Variants in PHACTR3 observed in about 807,000 individuals in gnomAD.
PHACTR3 encodes phosphatase and actin regulator 3, also known as protein phosphatase 1, regulatory subunit 123.
Under a neutral mutation model 66.8 loss-of-function variants are expected in PHACTR3, and 16 were observed. The observed-to-expected ratio is 0.24, with a 90% CI of 0.16 to 0.36. PHACTR3 has a LOEUF of 0.36. Among genes scored for constraint, PHACTR3 ranks in the 10% least tolerant of loss-of-function variants. The pLI is 1.00. For synonymous variants in PHACTR3, 323 were observed against 292.1 expected (o/e 1.11, Z -1.08); for missense variants, 647 against 719.9 (o/e 0.90, Z 1.16).
intron 1 of PHACTR3, among the ~76,000 whole-genome samples, chr20:59,644,777 T>G (rs1281252297): frequency 6.6e-6 from 1 of 152,198 alleles, no homozygotes; most frequent in African/African-American, 2.4e-5. Context: ...TCCTGCACCC[T>G]GCGCCTTCCC....
At chr20:59,813,333 C>A (rs1387483831) in intron 8 of PHACTR3, among the ~76,000 whole-genome samples, 1 of 152,184 alleles carries the variant, frequency 6.6e-6, no homozygotes, top group African/African-American at 2.4e-5. Context: ...GAAAAGGCTG[C>A]AAAGTTTGCC....
At chr20:59,601,447 T>C (rs572410456), upstream of PHACTR3, among the ~76,000 whole-genome samples, 4 of 152,384 alleles carry the variant, frequency 2.6e-5, no homozygotes, top group South Asian at 4.1e-4. Flanking sequence ...GTTTCTGCAA[T>C]GGCCTTCCAA....
intron 6 of PHACTR3, 46 bp from the exon 7 acceptor site, chr20:59,774,197 T>C: frequency 1.3e-6 from 2 of 1,524,796 alleles, no homozygotes; most frequent in Non-Finnish European, 1.8e-6. Context: ...GCTGGGTTTC[T>C]GGGTGAAGGG....
At chr20:59,578,438 C>T (rs578018813) in intron 1 of PHACTR3, among the ~76,000 whole-genome samples, 4 of 152,204 alleles carry the variant, frequency 2.6e-5, no homozygotes. Flanking sequence ...GTTCCAGGGG[C>T]CCCACCCAGG....
intron 1 of PHACTR3, among the ~76,000 whole-genome samples, chr20:59,616,525 C>T (rs916357618): frequency 3.3e-5 from 5 of 152,224 alleles, no homozygotes; most frequent in Non-Finnish European, 4.4e-5. Flanking sequence ...CGGGAAGCTC[C>T]GCTCAAGGCG....
chr20:59,774,526 C>G, intron 7 of PHACTR3, 36 bp downstream of exon 7: 1 of 1,599,806 alleles, frequency 6.3e-7, no homozygotes, highest in Non-Finnish European at 8.5e-7. Context: ...GTGGGGATCT[C>G]GGCCAGAGGT....
chr20:59,750,615 A>G (rs372483846), intron 3 of PHACTR3, among the ~76,000 whole-genome samples: 78 of 152,158 alleles, frequency 5.1e-4, no homozygotes, highest in African/African-American at 1.7e-3. Flanking sequence ...CTGCCCACAC[A>G]CCGGCTGGGG....
intron 12 of PHACTR3, among the ~76,000 whole-genome samples, chr20:59,846,229 AATT>A (rs2059143718): frequency 6.6e-6 from 1 of 152,180 alleles, no homozygotes; most frequent in African/African-American, 2.4e-5. Flanking sequence ...TGGCCACTGC[AATT>A]GTTATCTGAA....
chr20:59,605,175 G>T (rs1442596384), intron 1 of PHACTR3, 43 bp downstream of exon 1: 4 of 1,247,818 alleles, frequency 3.2e-6, no homozygotes, highest in African/African-American at 1.6e-5. Context: ...GGGGAGGCCC[G>T]AGGCAGGTGG....
chr20:59,674,568 GCTTCTCCTGTTCCCCC>G (rs1487818909), intron 1 of PHACTR3, among the ~76,000 whole-genome samples: 3 of 29,624 alleles, frequency 1.0e-4, no homozygotes, highest in Admixed American at 6.3e-4. Context: ...CCTATTCCCC[GCTTCTCCTGTTCCCCC>G]CTTCTCCTGT....
At chr20:59,644,710 C>T (rs921084205) in intron 1 of PHACTR3, among the ~76,000 whole-genome samples, 5 of 152,216 alleles carry the variant, frequency 3.3e-5, no homozygotes, top group Non-Finnish European at 7.3e-5. Context: ...GCTCCAGGCA[C>T]AGGCTGCACC....
At chr20:59,696,723 G>A (rs2037311933) in intron 1 of PHACTR3, among the ~76,000 whole-genome samples, 1 of 152,186 alleles carries the variant, frequency 6.6e-6, no homozygotes. Context: ...GAGAACACAA[G>A]CCAGCAACCT....
At chr20:59,844,247 C>G (rs907524121) in intron 11 of PHACTR3, 2 of 152,020 alleles carry the variant, frequency 1.3e-5, no homozygotes, top group African/African-American at 4.8e-5. Context: ...TTATGGAAAA[C>G]AGTATGGAGA....
chr20:59,812,779 C>T (rs1332076056), intron 8 of PHACTR3, among the ~76,000 whole-genome samples: 2 of 152,192 alleles, frequency 1.3e-5, no homozygotes, highest in African/African-American at 2.4e-5. Flanking sequence ...TTCATAATGA[C>T]ACCACTAATA....
intron 7 of PHACTR3, among the ~76,000 whole-genome samples, chr20:59,802,614 A>C (rs913574739): frequency 6.6e-6 from 1 of 152,180 alleles, no homozygotes; most frequent in Non-Finnish European, 1.5e-5. Context: ...GTCTGTGTGC[A>C]GGGAGCGTGG....
intron 1 of PHACTR3, among the ~76,000 whole-genome samples, chr20:59,675,449 A>G (rs1481391281): frequency 6.6e-6 from 1 of 151,886 alleles, no homozygotes; most frequent in Non-Finnish European, 1.5e-5. Flanking sequence ...GGGGGCAACT[A>G]CCTCTTCATA....
intron 7 of PHACTR3, among the ~76,000 whole-genome samples, chr20:59,780,327 C>T (rs2040682507): frequency 6.6e-6 from 1 of 152,230 alleles, no homozygotes; most frequent in Non-Finnish European, 1.5e-5. Flanking sequence ...TTTGAGCTGT[C>T]ATAACAAAAT....
chr20:59,781,853 G>A (rs1280429839), intron 7 of PHACTR3, among the ~76,000 whole-genome samples: 1 of 152,170 alleles, frequency 6.6e-6, no homozygotes, highest in Admixed American at 6.5e-5. Flanking sequence ...TGGTGCAGGA[G>A]TGAAAGAGTA....
chr20:59,758,279 A>C (rs1182481), intron 4 of PHACTR3, among the ~76,000 whole-genome samples: 1 of 152,100 alleles, frequency 6.6e-6, no homozygotes, highest in Non-Finnish European at 1.5e-5. Context: ...ATAATGAAAA[A>C]GTTTAAACAT....
Sources: gnomAD v4.1 joint callset for allele counts (sites outside exome capture counted in the v4.1 genomes callset) on GRCh38, gnomAD v4.1.1 for gene constraint, MANE v1.5 for transcripts, NCBI Gene and HGNC (gene_info 2026-07-23, HGNC 2026-07-21) for gene names.